C1orf87: variants seen among roughly 807,000 people sequenced by gnomAD.
C1orf87 encodes uncharacterized protein C1orf87.
A neutral mutation model predicts 60.5 loss-of-function variants in C1orf87; 58 were observed. The ratio of observed to expected loss-of-function variants is 0.96; its 90% CI spans 0.78 to 1.19. C1orf87 has a LOEUF of 1.19. Among genes scored for constraint, C1orf87 ranks in the 50% most tolerant of loss-of-function variants. The pLI is 0.00. For missense variants in C1orf87, 673 were observed against 638.6 expected, an observed-to-expected ratio of 1.05 and a Z score of -0.58; for synonymous variants, 236 against 227.4, an observed-to-expected ratio of 1.04 and a Z score of -0.34.
At chr1:60,055,470 T>C (rs769489623) in intron 2 of C1orf87, 32 bp from the exon 3 acceptor site, 28 of 1,587,436 alleles carry the variant, frequency 1.8e-5, no homozygotes, top group Non-Finnish European at 2.4e-5. Context: ...CTTTGTTACT[T>C]ACAGGCAGAC....
In C1orf87 at chr1:60,044,642, G is replaced by T. The variant is rs774638359; in HGVS notation, c.343-3511C>A. 3.9e-5 allele frequency among the ~76,000 whole-genome samples: 6 copies of T among 152,090 alleles called. No homozygotes were observed. In the East Asian group the frequency reaches 1.2e-3, roughly 29 times the overall value. ...TGGGTTCAGGCCAGCTGCAGGCTGG[G>T]CTTCAGATTTCTCCCTTGCTGATTT... On this transcript the variant is annotated intron_variant, in intron 3 of 11. Coordinates refer to ENST00000371201, the MANE Select transcript of C1orf87 (RefSeq NM_152377.3).
At chr1:60,063,458 T>C (rs1375375270) in intron 2 of C1orf87, among the ~76,000 whole-genome samples, 1 of 152,162 alleles carries the variant, frequency 6.6e-6, no homozygotes, top group Non-Finnish European at 1.5e-5. Context: ...ATAAATACAA[T>C]GTGAGCAGCA....
At position 59,990,861 on chromosome 1, in the gene C1orf87, T is replaced by A. The variant is rs746399859; in HGVS notation, c.1481-28A>T. 1.9e-6 allele frequency: 3 copies of A among 1,607,802 alleles called. No homozygotes were observed. The Admixed American group carries it at 5.1e-5, about 27-fold the overall frequency. On this transcript the variant is annotated intron_variant, in intron 11 of 11. Transcript: ENST00000371201. ...GTGATTGGATTGGGTAGGAGGAAGG[T>A]TTTTTAAAGAGGATGGAGGGAAAAC... is the stretch of plus-strand genomic sequence containing the variant.
intron 9 of C1orf87, among the ~76,000 whole-genome samples, chr1:60,002,796 G>C (rs2100244677): frequency 6.6e-6 from 1 of 151,656 alleles, no homozygotes; most frequent in East Asian, 2.0e-4. Context: ...AGTTAGAATG[G>C]CAATCATTAA....
chr1:60,033,342 G>T, intron 7 of C1orf87, 134 bp downstream of exon 7: 1 of 800,732 alleles, frequency 1.2e-6, no homozygotes, highest in Non-Finnish European at 1.8e-6. Flanking sequence ...TCACTTCTCA[G>T]GCAAAGAAAA....
chr1:60,005,963 G>A (rs1283709587), intron 9 of C1orf87, among the ~76,000 whole-genome samples: 1 of 151,962 alleles, frequency 6.6e-6, no homozygotes, highest in African/African-American at 2.4e-5. Flanking sequence ...CTTGATCTCT[G>A]ATTAGTTTAA....
chr1:60,062,273 C>T (rs1162826874), intron 2 of C1orf87, among the ~76,000 whole-genome samples: 1 of 152,130 alleles, frequency 6.6e-6, no homozygotes, highest in Non-Finnish European at 1.5e-5. Flanking sequence ...TAAAGCCATC[C>T]TTGTTTGAGT....
chr1:60,065,093 C>G (rs1285556524), intron 2 of C1orf87, among the ~76,000 whole-genome samples: 1 of 61,028 alleles, frequency 1.6e-5, no homozygotes, highest in Non-Finnish European at 3.8e-5. Context: ...GTTCTGCCCC[C>G]TAGAGAACCC....
chr1:60,015,239 C>T (rs942354701), intron 8 of C1orf87, among the ~76,000 whole-genome samples: 1 of 152,038 alleles, frequency 6.6e-6, no homozygotes, highest in Admixed American at 6.6e-5. Flanking sequence ...ATAAAGGAGG[C>T]CTAAGAGACA....
chr1:59,991,321 A>T (rs1238800483), intron 11 of C1orf87, among the ~76,000 whole-genome samples: 1 of 152,092 alleles, frequency 6.6e-6, no homozygotes, highest in Non-Finnish European at 1.5e-5. Context: ...TAGGTCCATA[A>T]TATTCCCCTC....
At chr1:60,042,623 C>T (rs1290659084) in intron 3 of C1orf87, among the ~76,000 whole-genome samples, 1 of 148,800 alleles carries the variant, frequency 6.7e-6, no homozygotes. Flanking sequence ...CAAGGCACCA[C>T]ATGGGTGTCC....
intron 2 of C1orf87, among the ~76,000 whole-genome samples, chr1:60,064,814 T>G: frequency 1.1e-5 from 1 of 93,008 alleles, no homozygotes; most frequent in Admixed American, 1.8e-4. Context: ...ATATTTAATA[T>G]ATATAAATAT....
At chr1:60,070,832 AC>A (rs1445430674) in intron 2 of C1orf87, among the ~76,000 whole-genome samples, 1 of 152,178 alleles carries the variant, frequency 6.6e-6, no homozygotes, top group African/African-American at 2.4e-5. Flanking sequence ...GATAAAGCTA[AC>A]TTTTCACTAT....
At chr1:60,033,402 G>T in intron 7 of C1orf87, 74 bp downstream of exon 7, 1 of 1,400,734 alleles carries the variant, frequency 7.1e-7, no homozygotes, top group Middle Eastern at 1.8e-4. Context: ...TCAGCCCTGT[G>T]CCTTATTGCT....
chr1:60,027,738 T>C (rs974523661), intron 7 of C1orf87, among the ~76,000 whole-genome samples: 1 of 152,010 alleles, frequency 6.6e-6, no homozygotes, highest in African/African-American at 2.4e-5. Context: ...AAAAGATTGA[T>C]TTGAAACATG....
intron 1 of C1orf87, among the ~76,000 whole-genome samples, chr1:60,073,232 A>AAT (rs1285014277): frequency 6.6e-6 from 1 of 152,214 alleles, no homozygotes; most frequent in Non-Finnish European, 1.5e-5. Flanking sequence ...TTTCTACAAC[A>AAT]ATACAATGAA....
At chr1:60,045,576 T>G (rs1447752759) in intron 3 of C1orf87, among the ~76,000 whole-genome samples, 3 of 152,224 alleles carry the variant, frequency 2.0e-5, no homozygotes, top group Non-Finnish European at 4.4e-5. Context: ...GACAATCTTA[T>G]TTTATTTATC....
intron 11 of C1orf87, among the ~76,000 whole-genome samples, chr1:59,992,721 C>T (rs560584279): frequency 3.9e-5 from 6 of 152,310 alleles, no homozygotes; most frequent in African/African-American, 1.2e-4. Context: ...AAATATTACT[C>T]ATTTTTAAAT....
At position 60,065,016 on chromosome 1, in the gene C1orf87, AAT is replaced by A. The variant is rs374984948; in HGVS notation, c.107+7519_107+7520del. ...ACATATAAATATTAAATATATATTA[AAT>A]ATATATATTTAATATATATATTTAA... is the stretch of plus-strand genomic sequence containing the variant. On this transcript the variant is annotated intron_variant, in intron 2 of 11. Coordinates refer to ENST00000371201, the MANE Select transcript of C1orf87 (RefSeq NM_152377.3). 2.4e-4 allele frequency among the ~76,000 whole-genome samples: 8 copies of A among 33,608 alleles called. No individual in the cohort carries two copies. The East Asian group carries it at 2.6e-3, about 11-fold the overall frequency. The allele number at this position is 33,608 out of a possible 152,430, so 22.0% of individuals were successfully genotyped here. A position where few individuals can be genotyped will look rare whatever the true frequency, so the allele number is the denominator to read the frequency against.
Sources: allele counts gnomAD v4.1 joint callset (sites outside exome capture counted in the v4.1 genomes callset), GRCh38; gene constraint gnomAD v4.1.1; transcripts MANE v1.5; gene names NCBI Gene and HGNC (gene_info 2026-07-23, HGNC 2026-07-21).